The following PTPRN2 variants were observed in gnomAD, a reference collection of about 807,000 sequenced individuals.
PTPRN2 encodes protein tyrosine phosphatase receptor type N2, also known as receptor-type tyrosine-protein phosphatase N2.
In PTPRN2, 74 loss-of-function variants were observed where a neutral mutation model predicts 118.8. The observed-to-expected ratio is 0.62, with a 90% CI of 0.52 to 0.76. The LOEUF (loss-of-function observed/expected upper bound fraction) is 0.76, where lower values mean the gene tolerates loss of function less well. Among genes scored for constraint, PTPRN2 ranks in the 30% least tolerant of loss-of-function variants. PTPRN2 has a pLI of 0.00. For missense variants in PTPRN2, 1,481 were observed against 1,394.4 expected (o/e 1.06, Z -0.99); for synonymous variants, 641 against 608.0 (o/e 1.05, Z -0.80).
At chr7:157,667,155 A>G (rs1330531064) in intron 13 of PTPRN2, among the ~76,000 whole-genome samples, 1 of 88,058 alleles carries the variant, frequency 1.1e-5, no homozygotes, top group Non-Finnish European at 2.8e-5. Context: ...TTGCACGCTC[A>G]GCCTGTGGGA....
chr7:157,695,845 C>G lies in PTPRN2; in HGVS notation c.1789-12908G>C, dbSNP rs973699834. 3.9e-5 allele frequency among the ~76,000 whole-genome samples: 6 copies of G among 152,218 alleles called. 1 individual carries two copies. The East Asian group carries it at 1.2e-3, about 29-fold the overall frequency. ...CTTAGTAGAGCCCTCACCGTCTACCCGTGCATACTGGATCTTAGTAGAGCC... is the reference window on the plus strand; with the variant it reads ...CTTAGTAGAGCCCTCACCGTCTACCGGTGCATACTGGATCTTAGTAGAGCC... On this transcript the variant is annotated intron_variant, in intron 12 of 22. Coordinates refer to ENST00000389418, the MANE Select transcript of PTPRN2 (RefSeq NM_002847.5).
At chr7:157,798,217 C>A (rs1428057142) in intron 12 of PTPRN2, among the ~76,000 whole-genome samples, 1 of 152,148 alleles carries the variant, frequency 6.6e-6, no homozygotes, top group East Asian at 1.9e-4. Context: ...TGAGATCGTG[C>A]CACTGCACTC....
intron 3 of PTPRN2, among the ~76,000 whole-genome samples, chr7:158,245,739 G>A (rs749134830): frequency 1.4e-4 from 22 of 152,194 alleles, no homozygotes; most frequent in South Asian, 4.1e-4. Context: ...GTCTCATGAC[G>A]TGGCTGTGTG....
intron 12 of PTPRN2, among the ~76,000 whole-genome samples, chr7:157,692,379 G>A (rs1797548923): frequency 6.6e-6 from 1 of 152,246 alleles, no homozygotes; most frequent in African/African-American, 2.4e-5. Context: ...GACCTGCTCG[G>A]TGCAGAGGGC....
chr7:157,807,881 G>A (rs1290501290), intron 12 of PTPRN2, among the ~76,000 whole-genome samples: 1 of 152,218 alleles, frequency 6.6e-6, no homozygotes, highest in Non-Finnish European at 1.5e-5. Context: ...TGGGATGGAT[G>A]TTTACGTGGG....
intron 11 of PTPRN2, among the ~76,000 whole-genome samples, chr7:157,983,420 C>G (rs1199844030): frequency 6.6e-6 from 1 of 151,904 alleles, no homozygotes; most frequent in East Asian, 1.9e-4. Flanking sequence ...AACCCCGAGT[C>G]ATAGAGATGA....
Position 158,116,596 on chromosome 7 carries a change from A to G in PTPRN2, c.1557-5681T>C, listed in dbSNP as rs1816748746. Among the ~76,000 whole-genome samples, 2 of 152,154 alleles carry G rather than the reference A, an allele frequency of 1.3e-5. 1 individual carries two copies. The highest frequency in any genetic ancestry group is 1.3e-4 in the Admixed American group (2 of 15,272). Reference sequence around the variant, plus strand: ...CCAAATATTGGGAATCTGCAATCTCACTGCTGATTGCTGCTTCTCATCACA... The same window carrying G: ...CCAAATATTGGGAATCTGCAATCTCGCTGCTGATTGCTGCTTCTCATCACA... On this transcript the variant is annotated intron_variant, in intron 9 of 22. Coordinates refer to ENST00000389418, the MANE Select transcript of PTPRN2 (RefSeq NM_002847.5).
At chr7:158,161,753 C>T (rs1822377101) in intron 6 of PTPRN2, among the ~76,000 whole-genome samples, 1 of 152,102 alleles carries the variant, frequency 6.6e-6, no homozygotes, top group Admixed American at 6.6e-5. Flanking sequence ...AAAATAAAAA[C>T]TAATGCTCTG....
intron 1 of PTPRN2, chr7:158,539,938 A>G: frequency 4.4e-6 from 1 of 227,342 alleles, no homozygotes; most frequent in Non-Finnish European, 8.8e-6. Context: ...GGACCTGGTG[A>G]CGGCTGGAAC....
intron 11 of PTPRN2, among the ~76,000 whole-genome samples, chr7:158,026,325 T>G (rs1050063644): frequency 2.6e-5 from 4 of 152,294 alleles, no homozygotes; most frequent in Admixed American, 2.0e-4. Context: ...GGAGATGGTC[T>G]GATCTGGTGG....
intron 10 of PTPRN2, among the ~76,000 whole-genome samples, chr7:158,096,254 A>G (rs1282817141): frequency 6.6e-6 from 1 of 152,210 alleles, no homozygotes; most frequent in Non-Finnish European, 1.5e-5. Flanking sequence ...AAGAGTCTCA[A>G]GATGGTACCA....
intron 1 of PTPRN2, among the ~76,000 whole-genome samples, chr7:158,569,406 C>T (rs1563443431): frequency 6.6e-6 from 1 of 152,242 alleles, no homozygotes; most frequent in Non-Finnish European, 1.5e-5. Context: ...AGGGCCAGAC[C>T]CAGATGCGCC....
At chr7:158,523,684 C>CGTCTCCCCTGGAGCAGA (rs1563393307) in intron 1 of PTPRN2, among the ~76,000 whole-genome samples, 1 of 138,260 alleles carries the variant, frequency 7.2e-6, no homozygotes. Flanking sequence ...GGAGCGGAGT[C>CGTCTCCCCTGGAGCAGA]GTCTGCCCTG....
At chr7:158,475,596 G>A (rs535006306) in intron 2 of PTPRN2, among the ~76,000 whole-genome samples, 110 of 152,174 alleles carry the variant, frequency 7.2e-4, no homozygotes, top group African/African-American at 2.6e-3. Flanking sequence ...CACCCCAGCC[G>A]GGCACTCCAA....
chr7:158,384,856 AAC>A (rs1252386796), intron 2 of PTPRN2, among the ~76,000 whole-genome samples: 2 of 152,200 alleles, frequency 1.3e-5, no homozygotes, highest in Non-Finnish European at 2.9e-5. Flanking sequence ...GGGCCGACCA[AAC>A]ACAGATGTCA....
At chr7:157,875,213 T>G (rs1046881973) in intron 12 of PTPRN2, among the ~76,000 whole-genome samples, 6 of 152,226 alleles carry the variant, frequency 3.9e-5, no homozygotes, top group Non-Finnish European at 7.3e-5. Context: ...GCTGCAAAGT[T>G]TTCCTAAAGG....
chr7:158,044,196 T>C (rs1270280636), intron 11 of PTPRN2, among the ~76,000 whole-genome samples: 1 of 152,182 alleles, frequency 6.6e-6, no homozygotes, highest in East Asian at 1.9e-4. Context: ...CAGAAAGTCT[T>C]GGTTAAATAA....
chr7:157,706,231 G>A (rs1234745660), intron 12 of PTPRN2, among the ~76,000 whole-genome samples: 1 of 152,034 alleles, frequency 6.6e-6, no homozygotes, highest in Non-Finnish European at 1.5e-5. Flanking sequence ...AGTGCCTTCT[G>A]GATTAGCGGG....
intron 9 of PTPRN2, 84 bp from the exon 10 acceptor site, chr7:158,110,999 G>C: frequency 8.4e-7 from 1 of 1,194,792 alleles, no homozygotes; most frequent in Non-Finnish European, 1.2e-6. Flanking sequence ...CCACAGCCCC[G>C]CTCCCTGGTC....
Sources: gnomAD v4.1 joint callset for allele counts (sites outside exome capture counted in the v4.1 genomes callset) on GRCh38, gnomAD v4.1.1 for gene constraint, MANE v1.5 for transcripts, NCBI Gene and HGNC (gene_info 2026-07-23, HGNC 2026-07-21) for gene names.